CMSS1: variants seen among roughly 807,000 people sequenced by gnomAD.
CMSS1 encodes the protein cms1 ribosomal small subunit homolog.
CMSS1 carries 33 observed loss-of-function variants against 43.5 expected under a neutral mutation model. The observed-to-expected ratio is 0.76, with a 90% confidence interval of 0.57 to 1.01. The LOEUF (loss-of-function observed/expected upper bound fraction) is 1.01, where lower values mean the gene tolerates loss of function less well. Ranked by LOEUF, CMSS1 falls within the 50% of genes least tolerant of loss-of-function variation. CMSS1 has a pLI of 0.00. For synonymous variants in CMSS1, 115 were observed against 117.2 expected (o/e 0.98, Z 0.12); for missense variants, 313 against 326.4 (o/e 0.96, Z 0.32).
intron 1 of CMSS1, among the ~76,000 whole-genome samples, chr3:100,101,294 G>A (rs2066300393): frequency 6.6e-6 from 1 of 152,220 alleles, no homozygotes; most frequent in Admixed American, 6.5e-5. Flanking sequence ...CACTGCCTAT[G>A]AGGAGAGGGA....
chr3:100,121,819 G>A (rs2066624062), intron 1 of CMSS1, among the ~76,000 whole-genome samples: 1 of 152,156 alleles, frequency 6.6e-6, no homozygotes, highest in Non-Finnish European at 1.5e-5. Flanking sequence ...GTTGATGAAG[G>A]ATGCTGGGAC....
At chr3:100,100,980 A>G (rs893711677) in intron 1 of CMSS1, among the ~76,000 whole-genome samples, 1 of 152,130 alleles carries the variant, frequency 6.6e-6, no homozygotes, top group Non-Finnish European at 1.5e-5. Flanking sequence ...TGGAGAACAG[A>G]GAAGAAAGTG....
rs536613241 is a variant in CMSS1, at chr3:99,994,343, AC to A, written c.65-152629del. On this transcript the variant is annotated intron_variant, in intron 1 of 9. Coordinates refer to ENST00000421999, the MANE Select transcript of CMSS1 (RefSeq NM_032359.4). ...GACAGATCATCAAGTCAGAAAAGTAACAAAGAAATATTGGACTTAAATTGGA... is the reference window on the plus strand; with the variant it reads ...GACAGATCATCAAGTCAGAAAAGTAAAAAGAAATATTGGACTTAAATTGGA... Among the ~76,000 whole-genome samples, 417 of 152,330 alleles carry A rather than the reference AC, an allele frequency of 2.7e-3. 2 individuals carry two copies. Among genetic ancestry groups the A allele is most frequent in the African/African-American group, 9.6e-3 (397 of 41,570 alleles).
chr3:100,004,334 A>G (rs148946046), intron 1 of CMSS1, among the ~76,000 whole-genome samples: 1 of 152,320 alleles, frequency 6.6e-6, no homozygotes, highest in East Asian at 1.9e-4. Context: ...GTAGCTGAAC[A>G]TATCTTCTAT....
chr3:99,833,521 G>A (rs1942773769), intron 1 of CMSS1, among the ~76,000 whole-genome samples: 1 of 152,214 alleles, frequency 6.6e-6, no homozygotes, highest in African/African-American at 2.4e-5. Flanking sequence ...TTATCATGGA[G>A]CACAAATATA....
chr3:99,958,979 G>A (rs1708417924), intron 1 of CMSS1, among the ~76,000 whole-genome samples: 1 of 152,062 alleles, frequency 6.6e-6, no homozygotes, highest in Admixed American at 6.5e-5. Flanking sequence ...TGTAAAAACA[G>A]CAAATTATCA....
chr3:99,953,243 G>A (rs1361329210), intron 1 of CMSS1, among the ~76,000 whole-genome samples: 1 of 152,036 alleles, frequency 6.6e-6, no homozygotes, highest in Non-Finnish European at 1.5e-5. Flanking sequence ...TATTGGTTAA[G>A]CTATAACCAA....
chr3:100,125,991 A>AC (rs2066659129), intron 1 of CMSS1, among the ~76,000 whole-genome samples: 1 of 152,210 alleles, frequency 6.6e-6, no homozygotes, highest in Admixed American at 6.5e-5. Flanking sequence ...AATATTTGCC[A>AC]CCAAGTTAAA....
At chr3:99,879,322 A>G (rs900841218) in intron 1 of CMSS1, among the ~76,000 whole-genome samples, 7 of 152,240 alleles carry the variant, frequency 4.6e-5, no homozygotes, top group Admixed American at 2.6e-4. Flanking sequence ...TAATATCACC[A>G]GTTTCCCTGG....
Position 100,166,416 on chromosome 3 carries a change from T to A in CMSS1, c.415+22T>A, listed in dbSNP as rs201385912. On this transcript the variant is annotated intron_variant, in intron 5 of 9. Coordinates refer to ENST00000421999, the MANE Select transcript of CMSS1 (RefSeq NM_032359.4). ...GAAAGTAAGTAAACTCTGATTTTAA[T>A]CTATTTAAACTCATTCTTATTTTGC... 40 of 1,475,662 alleles carry A rather than the reference T, an allele frequency of 2.7e-5. 1 individual carries two copies. The Middle Eastern group carries it at 1.7e-3, about 64-fold the overall frequency. 91.4% of individuals were successfully genotyped at this position (1,475,662 alleles called of 1,614,324 possible).
intron 8 of CMSS1, 26 bp downstream of exon 8, chr3:100,172,429 T>G: frequency 1.8e-5 from 28 of 1,567,806 alleles, no homozygotes; most frequent in Non-Finnish European, 2.0e-5. Context: ...AGTGATACTC[T>G]TGCCCAGGGC....
intron 2 of CMSS1, among the ~76,000 whole-genome samples, chr3:100,159,309 T>A (rs1483395167): frequency 6.6e-6 from 1 of 152,234 alleles, no homozygotes; most frequent in Non-Finnish European, 1.5e-5. Context: ...ATTTCTGTAA[T>A]AACTAAAAGA....
At chr3:100,029,358 A>G (rs1226084407) in intron 1 of CMSS1, among the ~76,000 whole-genome samples, 1 of 152,106 alleles carries the variant, frequency 6.6e-6, no homozygotes, top group Non-Finnish European at 1.5e-5. Context: ...TAATTGTTCA[A>G]TAAAGTCAAG....
rs570082006 is a variant in CMSS1 at position 99,924,581 on chromosome 3, C to T, written c.64+106538C>T. Among the ~76,000 whole-genome samples the T allele has an allele frequency of 5.3e-5, 8 of 152,292 alleles. No homozygotes were observed. The South Asian group carries it at 6.2e-4, about 12-fold the overall frequency. ...TTGCCCAGGCTGGAGTGCAATGGCG[C>T]GATCTCGACTCACTGCAACTTCCGC... On this transcript the variant is annotated intron_variant, in intron 1 of 9. Coordinates refer to ENST00000421999, the MANE Select transcript of CMSS1 (RefSeq NM_032359.4).
At chr3:100,034,688 G>A (rs547379326) in intron 1 of CMSS1, among the ~76,000 whole-genome samples, 37 of 152,232 alleles carry the variant, frequency 2.4e-4, no homozygotes, top group Admixed American at 9.2e-4. Context: ...TTATGATGGG[G>A]AACCCTCAGA....
At chr3:100,099,391 A>T (rs1386802798) in intron 1 of CMSS1, among the ~76,000 whole-genome samples, 1 of 152,196 alleles carries the variant, frequency 6.6e-6, no homozygotes, top group African/African-American at 2.4e-5. Flanking sequence ...TCACTTTCCA[A>T]ATTTTCTGAT....
chr3:99,830,480 A>G (rs1281296273), intron 1 of CMSS1: 1 of 456,682 alleles, frequency 2.2e-6, no homozygotes, highest in East Asian at 6.9e-5. Flanking sequence ...GTAGCTTCCC[A>G]CAGCCATTTT....
At chr3:99,975,605 A>G (rs1708947267) in intron 1 of CMSS1, among the ~76,000 whole-genome samples, 1 of 152,092 alleles carries the variant, frequency 6.6e-6, no homozygotes, top group Non-Finnish European at 1.5e-5. Flanking sequence ...AAAAATTGAT[A>G]CTTCATGTGG....
At chr3:99,920,767 G>A (rs553739180) in intron 1 of CMSS1, among the ~76,000 whole-genome samples, 1 of 152,238 alleles carries the variant, frequency 6.6e-6, no homozygotes, top group East Asian at 1.9e-4. Flanking sequence ...GTCTCCTTTA[G>A]GGTTTTCCAC....
Sources: allele counts gnomAD v4.1 joint callset (sites outside exome capture counted in the v4.1 genomes callset), GRCh38; gene constraint gnomAD v4.1.1; transcripts MANE v1.5; gene names NCBI Gene and HGNC (gene_info 2026-07-23, HGNC 2026-07-21).